ERBB4: variants seen among roughly 807,000 people sequenced by gnomAD.
ERBB4 encodes the protein erb-b2 receptor tyrosine kinase 4.
In ERBB4, 42 loss-of-function variants were observed where a neutral mutation model predicts 158.0. That is an observed-to-expected ratio of 0.27 (90% CI 0.21 to 0.34). The LOEUF (loss-of-function observed/expected upper bound fraction) is 0.34. Among genes scored for constraint, ERBB4 ranks in the 10% least tolerant of loss-of-function variants. ERBB4 has a pLI of 1.00. For missense variants in ERBB4, 1,333 were observed against 1,624.1 expected (o/e 0.82, Z 3.08); for synonymous variants, 583 against 558.7 (o/e 1.04, Z -0.61).
chr2:211,539,228 C>T (rs1178690565), intron 20 of ERBB4, among the ~76,000 whole-genome samples: 1 of 151,800 alleles, frequency 6.6e-6, no homozygotes, highest in East Asian at 1.9e-4. Context: ...ATTAGAGTCA[C>T]CCAAGTTATA....
rs2062603549 is a variant in ERBB4 at position 211,383,170 on chromosome 2, G to A, written c.*445C>T. 1 of 235,754 alleles carries A rather than the reference G, an allele frequency of 4.2e-6. No homozygotes were observed. Among genetic ancestry groups the A allele is most frequent in the Non-Finnish European group, 8.3e-6 (1 of 121,046 alleles). 14.6% of individuals were successfully genotyped at this position (235,754 alleles called of 1,614,324 possible). On this transcript the variant is annotated 3_prime_UTR_variant, in exon 28 of 28. Transcript: ENST00000342788. ...AATGGAAACTTTATTATGATTTCCA[G>A]GGATGCTAAATATGCACACATCAGT...
Position 212,050,121 on chromosome 2 carries a change from T to C in ERBB4, c.234+74631A>G, listed in dbSNP as rs185417892. On this transcript the variant is annotated intron_variant, in intron 2 of 27. Transcript: ENST00000342788. ...GCATCAAATTTCAAGTATTTAAATCTTTAAAATGCATCCTCATAGTTTCAT... is the reference window on the plus strand; with the variant it reads ...GCATCAAATTTCAAGTATTTAAATCCTTAAAATGCATCCTCATAGTTTCAT... 3.5e-4 allele frequency among the ~76,000 whole-genome samples: 53 copies of C among 152,294 alleles called. No individual in the cohort carries two copies. The East Asian group carries it at 8.5e-3, about 24-fold the overall frequency.
chr2:211,889,014 C>A (rs564801717), intron 3 of ERBB4, among the ~76,000 whole-genome samples: 1 of 145,880 alleles, frequency 6.9e-6, no homozygotes, highest in East Asian at 1.9e-4. Context: ...GTAAACAAAG[C>A]AGCCAGGAAG....
chr2:212,056,969 A>G (rs1249217184), intron 2 of ERBB4, among the ~76,000 whole-genome samples: 2 of 152,246 alleles, frequency 1.3e-5, no homozygotes, highest in Non-Finnish European at 2.9e-5. Context: ...CTCCAATTAA[A>G]AGACACAGAC....
chr2:212,287,947 A>G (rs2086059520), intron 1 of ERBB4, among the ~76,000 whole-genome samples: 1 of 152,078 alleles, frequency 6.6e-6, no homozygotes, highest in South Asian at 2.1e-4. Flanking sequence ...AAAAACACCT[A>G]ATGGGCACGA....
chr2:211,421,018 C>T (rs911782360), intron 24 of ERBB4, among the ~76,000 whole-genome samples: 1 of 151,898 alleles, frequency 6.6e-6, no homozygotes, highest in Non-Finnish European at 1.5e-5. Flanking sequence ...GTAGGATTAT[C>T]AGGACCATAG....
At chr2:211,595,041 C>T (rs201981298) in intron 19 of ERBB4, among the ~76,000 whole-genome samples, 2 of 151,990 alleles carry the variant, frequency 1.3e-5, no homozygotes, top group Non-Finnish European at 2.9e-5. Flanking sequence ...TTACATATAC[C>T]TAGGAAGTGG....
At chr2:211,521,617 C>T (rs1288484368) in intron 20 of ERBB4, among the ~76,000 whole-genome samples, 1 of 152,126 alleles carries the variant, frequency 6.6e-6, no homozygotes, top group Non-Finnish European at 1.5e-5. Context: ...GATTAAACAG[C>T]CTTATACTGA....
intron 1 of ERBB4, among the ~76,000 whole-genome samples, chr2:212,433,731 T>C (rs1288951373): frequency 1.3e-5 from 2 of 151,966 alleles, no homozygotes; most frequent in South Asian, 2.1e-4. Flanking sequence ...TTAGAAAATA[T>C]CATCTATCTT....
At chr2:211,474,912 G>A (rs1179547824) in intron 20 of ERBB4, among the ~76,000 whole-genome samples, 4 of 151,956 alleles carry the variant, frequency 2.6e-5, no homozygotes, top group Non-Finnish European at 5.9e-5. Context: ...GAAACATGGA[G>A]TGCAAAGGAA....
chr2:211,914,936 T>A (rs1364457530), intron 3 of ERBB4, among the ~76,000 whole-genome samples: 1 of 152,150 alleles, frequency 6.6e-6, no homozygotes, highest in Non-Finnish European at 1.5e-5. Flanking sequence ...ACTTGCTTTC[T>A]GCTTAAAATC....
intron 2 of ERBB4, among the ~76,000 whole-genome samples, chr2:212,005,494 C>T (rs1288514329): frequency 6.6e-6 from 1 of 152,100 alleles, no homozygotes; most frequent in Non-Finnish European, 1.5e-5. Flanking sequence ...GGAATAGACA[C>T]AAGGTTCCTT....
chr2:211,544,197 G>A (rs1202343864), intron 20 of ERBB4, among the ~76,000 whole-genome samples: 2 of 152,032 alleles, frequency 1.3e-5, no homozygotes, highest in African/African-American at 4.8e-5. Flanking sequence ...CTAAGATGGT[G>A]ATTCTGGAAT....
At chr2:211,654,018 A>G (rs570942401) in intron 16 of ERBB4, among the ~76,000 whole-genome samples, 1 of 152,274 alleles carries the variant, frequency 6.6e-6, no homozygotes, top group African/African-American at 2.4e-5. Flanking sequence ...CCTATTATGT[A>G]AGATTCACTT....
intron 1 of ERBB4, among the ~76,000 whole-genome samples, chr2:212,312,276 CATTGTAA>C (rs1192398017): frequency 2.6e-5 from 4 of 151,062 alleles, no homozygotes; most frequent in African/African-American, 9.7e-5. Flanking sequence ...TCAATATGAA[CATTGTAA>C]AGTGAGACTA....
At chr2:211,774,660 C>CTGATAA (rs1203323728) in intron 4 of ERBB4, among the ~76,000 whole-genome samples, 1 of 152,150 alleles carries the variant, frequency 6.6e-6, no homozygotes, top group Non-Finnish European at 1.5e-5. Context: ...GCCTCTAATA[C>CTGATAA]TGATAATGCT....
chr2:211,423,584 T>C (rs1296190654), intron 23 of ERBB4, among the ~76,000 whole-genome samples: 1 of 152,010 alleles, frequency 6.6e-6, no homozygotes, highest in Non-Finnish European at 1.5e-5. Flanking sequence ...AAGTAAGAGT[T>C]TGATGTAAAC....
At chr2:211,973,116 A>G (rs1041910687) in intron 2 of ERBB4, among the ~76,000 whole-genome samples, 1 of 152,222 alleles carries the variant, frequency 6.6e-6, no homozygotes, top group Non-Finnish European at 1.5e-5. Context: ...TGGGCAAAAG[A>G]CATGAACAGA....
At chr2:212,115,941 A>T (rs775200824) in intron 2 of ERBB4, among the ~76,000 whole-genome samples, 8 of 152,146 alleles carry the variant, frequency 5.3e-5, no homozygotes, top group Non-Finnish European at 8.8e-5. Flanking sequence ...TAATAAATTA[A>T]TTTTTAATTT....
Sources: gnomAD v4.1 joint callset for allele counts (sites outside exome capture counted in the v4.1 genomes callset) on GRCh38, gnomAD v4.1.1 for gene constraint, MANE v1.5 for transcripts, NCBI Gene and HGNC (gene_info 2026-07-23, HGNC 2026-07-21) for gene names.